Variants in PLD3 observed in about 807,000 individuals in gnomAD.
The protein encoded by PLD3 is 5'-3' exonuclease PLD3.
In PLD3, 31 loss-of-function variants were observed where a neutral mutation model predicts 58.4. The ratio of observed to expected loss-of-function variants is 0.53; its 90% CI spans 0.40 to 0.72. The LOEUF (loss-of-function observed/expected upper bound fraction) is 0.72, where lower values mean the gene tolerates loss of function less well. Among genes scored for constraint, PLD3 ranks in the 30% least tolerant of loss-of-function variants. The pLI, the probability that PLD3 is intolerant of heterozygous loss-of-function variation, is 0.00. For missense variants in PLD3, 595 were observed against 659.8 expected (o/e 0.90, Z 1.08); for synonymous variants, 264 against 273.4 (o/e 0.97, Z 0.34).
In PLD3 at chr19:40,351,243, C is replaced by A. The variant is rs141431166; in HGVS notation, c.-279+2475C>A. Among the ~76,000 whole-genome samples, 130 of 64,982 alleles carry A rather than the reference C, an allele frequency of 2.0e-3. No individual in the cohort carries two copies. In the South Asian group the frequency reaches 0.023, roughly 11 times the overall value. 42.6% of individuals were successfully genotyped at this position (64,982 alleles called of 152,430 possible). On this transcript the variant is annotated intron_variant, in intron 1 of 12. Transcript: ENST00000409735. ...GAGACCCTGTCTCAAAACAAAAAAA[C>A]AAAACAAAACAAAAAAACGGCCAGG...
intron 11 of PLD3, 28 bp downstream of exon 11, chr19:40,376,802 G>A (rs200810627): frequency 6.3e-7 from 1 of 1,591,484 alleles, no homozygotes; most frequent in East Asian, 2.2e-5. Context: ...CCACCCCTTG[G>A]CCCCTGTGTG....
At chr19:40,377,355 T>G (rs1195927583) in intron 11 of PLD3, among the ~76,000 whole-genome samples, 1 of 71,568 alleles carries the variant, frequency 1.4e-5, no homozygotes, top group African/African-American at 6.6e-5. Flanking sequence ...GGGTCAGGGC[T>G]GGGATGGGGG....
chr19:40,355,081 C>G (rs56038007), intron 1 of PLD3, among the ~76,000 whole-genome samples: 1 of 151,884 alleles, frequency 6.6e-6, no homozygotes. Flanking sequence ...TCAAGTGATA[C>G]ACCCACCTCG....
In PLD3 at chr19:40,378,164, C is replaced by A; in HGVS notation, c.1464C>A (p.Arg488=). Residue 488 remains arginine, a synonymous_variant, in exon 13 of 13, where the codon CGC becomes CGA. Transcript: ENST00000409735. ...CTGACAGCGTGGGCAACGCCTGCCG[C>A]CTGCTCTGAGGCCCGATCCAGTGGG... is the stretch of plus-strand genomic sequence containing the variant. ...TSADSVGNAC[R]LL is the part of the protein sequence containing the mutation. 6.2e-7 allele frequency: 1 copy of A among 1,608,934 alleles called. No individual in the cohort carries two copies. Among genetic ancestry groups the A allele is most frequent in the Non-Finnish European group, 8.5e-7 (1 of 1,177,124 alleles).
intron 10 of PLD3, among the ~76,000 whole-genome samples, chr19:40,375,410 G>A (rs2079169708): frequency 6.6e-6 from 1 of 151,824 alleles, no homozygotes; most frequent in South Asian, 2.1e-4. Flanking sequence ...CAGCACTTTG[G>A]GAGGCTGAGG....
At position 40,376,695 on chromosome 19, in the gene PLD3, A is replaced by C; in HGVS notation, c.1106A>C (p.His369Pro). The C allele has an allele frequency of 6.2e-7, 1 of 1,604,810 alleles. No individual in the cohort carries two copies. Among genetic ancestry groups the C allele is most frequent in the Non-Finnish European group, 8.5e-7 (1 of 1,179,970 alleles). ...CGCCTGCTCATCAGCTGCTGGGGAC[A>C]CTCGGAGCCATCCATGCGGGCCTTC... ...KVRLLISCWG[H>P]SEPSMRAFLL... The change falls in exon 11 of 13, where the codon CAC becomes CCC. Residue 369 changes from histidine (H) to proline (P), a missense_variant. Coordinates refer to ENST00000409735, the MANE Select transcript of PLD3 (RefSeq NM_012268.4).
chr19:40,367,082 T>C, intron 5 of PLD3, 167 bp downstream of exon 5: 1 of 662,206 alleles, frequency 1.5e-6, no homozygotes, highest in Non-Finnish European at 2.5e-6. Context: ...ACACACATAG[T>C]TTCTATGGCA....
chr19:40,350,178 C>T (rs541348041), intron 1 of PLD3, among the ~76,000 whole-genome samples: 5 of 137,498 alleles, frequency 3.6e-5, no homozygotes, highest in South Asian at 2.5e-4. Context: ...GAGAATCGTT[C>T]GAATCTGAGA....
At chr19:40,356,251 G>A (rs919012757) in intron 1 of PLD3, 1 of 152,456 alleles carries the variant, frequency 6.6e-6, no homozygotes, top group African/African-American at 2.4e-5. Context: ...AGGTCATTCA[G>A]GGAAGATCAT....
At position 40,377,833 on chromosome 19, in the gene PLD3, T is replaced by C. The variant is rs150294628; in HGVS notation, c.1233T>C (p.Tyr411=). The change falls in exon 12 of 13, where the codon TAT becomes TAC. Residue 411 remains tyrosine (Y), a synonymous_variant. Transcript: ENST00000409735. ...PADEAQARIP[Y]ARVNHNKYMV... ...ATGAGGCCCAGGCTCGAATCCCATA[T>C]GCCCGTGTCAACCACAACAAGTACA... is the stretch of plus-strand genomic sequence containing the variant. The C allele has an allele frequency of 7.0e-5, 113 of 1,614,004 alleles. No homozygotes were observed. The African/African-American group carries it at 1.2e-3, about 17-fold the overall frequency.
At position 40,360,506 on chromosome 19, in the gene PLD3, G is replaced by A. The variant is rs187203981; in HGVS notation, c.-278-5212G>A. 1,092 of 151,616 alleles carry A rather than the reference G, an allele frequency of 7.2e-3. 12 individuals are homozygous for A. The highest frequency in any genetic ancestry group is 0.01 in the Non-Finnish European group (679 of 67,888). The allele number at this position is 151,616 out of a possible 1,614,324, so 9.4% of individuals were successfully genotyped here. On this transcript the variant is annotated intron_variant, in intron 1 of 12. Transcript: ENST00000409735. ...TCCTGCCTGTAATCCCAGCACTTTG[G>A]GAGGCCGAGACAGTCGATCATTTGA... is the stretch of plus-strand genomic sequence containing the variant.
In PLD3 at chr19:40,354,130, G is replaced by T. The variant is rs537230027; in HGVS notation, c.-279+5362G>T. ...GCTCTGTTGCCCAGGCTGGAGTGCA[G>T]TGGCGCGATCTCGGCTCACTGCAAC... On this transcript the variant is annotated intron_variant, in intron 1 of 12. Transcript: ENST00000409735. Among the ~76,000 whole-genome samples the T allele has an allele frequency of 1.4e-4, 20 of 144,192 alleles. No individual in the cohort carries two copies. In the East Asian group the frequency reaches 1.8e-3, roughly 13 times the overall value. The allele number at this position is 144,192 out of a possible 152,430, so 94.6% of individuals were successfully genotyped here.
chr19:40,371,890 T>C lies in PLD3; in HGVS notation c.879+17T>C, dbSNP rs1263307799. 1.9e-6 allele frequency: 3 copies of C among 1,604,556 alleles called. No homozygotes were observed. In the African/African-American group the frequency reaches 4.0e-5, roughly 21 times the overall value. ...TACCTGGCGGTGAGTCTGGGGCAAG[T>C]GGGGCCTGTCATGTCCCAGCCCCAT... On this transcript the variant is annotated intron_variant, in intron 9 of 12. Transcript: ENST00000409735.
chr19:40,362,238 C>T (rs968249076), intron 1 of PLD3, among the ~76,000 whole-genome samples: 5 of 152,280 alleles, frequency 3.3e-5, no homozygotes, highest in Admixed American at 3.3e-4. Flanking sequence ...GTAAAATTAA[C>T]GAACAGCAAA....
At position 40,371,880 on chromosome 19, in the gene PLD3, C is replaced by G; in HGVS notation, c.879+7C>G. The G allele has an allele frequency of 6.2e-7, 1 of 1,612,088 alleles. No homozygotes were observed. The highest frequency in any genetic ancestry group is 8.5e-7 in the Non-Finnish European group (1 of 1,178,562). ...TGCTCTGGCCTACCTGGCGGTGAGT[C>G]TGGGGCAAGTGGGGCCTGTCATGTC... is the stretch of plus-strand genomic sequence containing the variant. On this transcript the variant is annotated splice_region_variant and intron_variant, in intron 9 of 12. Transcript: ENST00000409735.
intron 9 of PLD3, 101 bp downstream of exon 9, chr19:40,371,974 G>C: frequency 1.1e-6 from 1 of 945,014 alleles, no homozygotes; most frequent in Non-Finnish European, 1.7e-6. Context: ...GGCGTATCCT[G>C]ACCATCAGTT....
chr19:40,361,843 C>T (rs2078792974), intron 1 of PLD3, among the ~76,000 whole-genome samples: 1 of 148,350 alleles, frequency 6.7e-6, no homozygotes, highest in Non-Finnish European at 1.5e-5. Flanking sequence ...TTATTATCAC[C>T]TTTTTTTTTT....
At chr19:40,376,440 A>G in intron 10 of PLD3, 169 bp from the exon 11 acceptor site, 1 of 604,136 alleles carries the variant, frequency 1.7e-6, no homozygotes, top group South Asian at 2.2e-5. Context: ...AAGAGGAAAT[A>G]GGGATGTGGG....
In PLD3 at chr19:40,366,460, C is replaced by T. The variant is rs772601678; in HGVS notation, c.-24C>T. 3.7e-6 allele frequency: 6 copies of T among 1,612,300 alleles called. No homozygotes were observed. In the Admixed American group the frequency reaches 8.3e-5, roughly 22 times the overall value. On this transcript the variant is annotated 5_prime_UTR_variant, in exon 3 of 13. Coordinates refer to ENST00000409735, the MANE Select transcript of PLD3 (RefSeq NM_012268.4). ...CACCCACCTTCTCACCTGGGCTCTGCGTATCCCCCAGCCTTGAGGGAAGAT... is the reference window on the plus strand; with the variant it reads ...CACCCACCTTCTCACCTGGGCTCTGTGTATCCCCCAGCCTTGAGGGAAGAT...
Sources: gnomAD v4.1 joint callset for allele counts (sites outside exome capture counted in the v4.1 genomes callset) on GRCh38, gnomAD v4.1.1 for gene constraint, MANE v1.5 for transcripts, NCBI Gene and HGNC (gene_info 2026-07-23, HGNC 2026-07-21) for gene names.